Variants in BNIP5 observed in about 807,000 individuals in gnomAD.
BNIP5 encodes the protein protein BNIP5.
Under a neutral mutation model 67.3 loss-of-function variants are expected in BNIP5, and 61 were observed. The ratio of observed to expected loss-of-function variants is 0.91; its 90% CI spans 0.74 to 1.12. The LOEUF (loss-of-function observed/expected upper bound fraction) is 1.12, where lower values mean the gene tolerates loss of function less well. Ranked by LOEUF, BNIP5 falls within the 50% of genes most tolerant of loss-of-function variation. The pLI is 0.00. For synonymous variants in BNIP5, 317 were observed against 319.0 expected (o/e 0.99, Z 0.07); for missense variants, 826 against 816.3 (o/e 1.01, Z -0.14).
intron 1 of BNIP5, 144 bp from the exon 2 acceptor site, chr6:36,330,838 A>C: frequency 1.4e-5 from 15 of 1,095,750 alleles, no homozygotes; most frequent in Non-Finnish European, 1.9e-5. Context: ...ATCTCAGCTC[A>C]CTGCAACCTC....
intron 10 of BNIP5, 92 bp downstream of exon 10, chr6:36,321,063 C>G (rs1283350632): frequency 3.9e-6 from 3 of 771,906 alleles, no homozygotes; most frequent in East Asian, 5.4e-5. Context: ...GGGACATGCT[C>G]AAAGTTGCCC....
rs2127364139 is a variant in BNIP5 at position 36,322,450 on chromosome 6, A to C, written c.1472-8T>G. On this transcript the variant is annotated splice_polypyrimidine_tract_variant and splice_region_variant and intron_variant, in intron 8 of 11. Transcript: ENST00000437635. ...ACTCGAGATCTTCTGGATCTAGGGC[A>C]AAAAAAGAGTTGTTGAGTGTTTTGC... The C allele has an allele frequency of 6.2e-7, 1 of 1,610,388 alleles. No individual in the cohort carries two copies. Among genetic ancestry groups the C allele is most frequent in the East Asian group, 2.2e-5 (1 of 44,824 alleles).
intron 1 of BNIP5, among the ~76,000 whole-genome samples, chr6:36,332,426 T>G (rs1386344030): frequency 1.3e-5 from 2 of 152,202 alleles, no homozygotes; most frequent in Non-Finnish European, 2.9e-5. Flanking sequence ...TTTAGTTGTT[T>G]CCTGTCTGAG....
chr6:36,322,930 C>T (rs905036876), intron 8 of BNIP5, among the ~76,000 whole-genome samples: 2 of 152,260 alleles, frequency 1.3e-5, no homozygotes, highest in South Asian at 2.1e-4. Context: ...CAGGCCCAGG[C>T]CATCTCCTAC....
chr6:36,327,596 T>G (rs936169208), intron 3 of BNIP5, among the ~76,000 whole-genome samples: 1 of 151,956 alleles, frequency 6.6e-6, no homozygotes, highest in African/African-American at 2.4e-5. Context: ...CTAACTAAGG[T>G]GGAGGATGAA....
At chr6:36,327,859 T>A (rs1771800261) in intron 3 of BNIP5, among the ~76,000 whole-genome samples, 1 of 151,062 alleles carries the variant, frequency 6.6e-6, no homozygotes, top group Non-Finnish European at 1.5e-5. Context: ...TTTTTACTCC[T>A]AACTTCCCTG....
chr6:36,321,078 G>T, intron 10 of BNIP5, 77 bp downstream of exon 10: 1 of 912,500 alleles, frequency 1.1e-6, no homozygotes, highest in Non-Finnish European at 1.7e-6. Flanking sequence ...TTGCCCAGAG[G>T]TGCAGACTTG....
chr6:36,327,642 C>G lies in BNIP5; in HGVS notation c.728-548G>C, dbSNP rs554765544. 2.6e-5 allele frequency among the ~76,000 whole-genome samples: 4 copies of G among 152,312 alleles called. No individual in the cohort carries two copies. The East Asian group carries it at 7.7e-4, about 29-fold the overall frequency. On this transcript the variant is annotated intron_variant, in intron 3 of 11. Coordinates refer to ENST00000437635, the MANE Select transcript of BNIP5 (RefSeq NM_001010903.5). ...TAGGCATGACACAGAGACAGCCTGC[C>G]ACGCTGATGCCTCAGCCACACCCCC...
chr6:36,330,377 T>C lies in BNIP5; in HGVS notation c.314A>G (p.Asn105Ser), dbSNP rs768190675. 6.2e-7 allele frequency: 1 copy of C among 1,614,088 alleles called. No homozygotes were observed. The highest frequency in any genetic ancestry group is 8.5e-7 in the Non-Finnish European group (1 of 1,179,992). The change falls in exon 2 of 12, where the codon AAC becomes AGC. Residue 105 changes from asparagine to serine, a missense_variant. Transcript: ENST00000437635. ...TKKGWLKTMLNFFVRTGPEEP... is the reference protein window; with the variant it reads ...TKKGWLKTMLSFFVRTGPEEP... ...CTCAGGGCCCGTCCTCACGAAGAAGTTCAGCATGGTCTTCAGCCACCCCTT... is the reference window on the plus strand; with the variant it reads ...CTCAGGGCCCGTCCTCACGAAGAAGCTCAGCATGGTCTTCAGCCACCCCTT...
Position 36,326,570 on chromosome 6 carries a change from T to A in BNIP5, c.976A>T (p.Lys326Ter). The change falls in exon 5 of 12, where the codon AAG becomes TAG. Residue 326 changes from lysine to a stop codon, truncating the protein, a stop_gained. Coordinates refer to ENST00000437635, the MANE Select transcript of BNIP5 (RefSeq NM_001010903.5). LOFTEE classifies it high-confidence loss of function. ...VSSPEAWPPK[K>*]SSFLPLCVSG... Reference sequence around the variant, plus strand: ...ACACACAGGGGCAGAAAGCTGGACTTCTTGGGTGGCCAGGCCTCTGGACTG... The same window carrying A: ...ACACACAGGGGCAGAAAGCTGGACTACTTGGGTGGCCAGGCCTCTGGACTG... 6.2e-7 allele frequency: 1 copy of A among 1,614,240 alleles called. No homozygotes were observed. Among genetic ancestry groups the A allele is most frequent in the Non-Finnish European group, 8.5e-7 (1 of 1,180,046 alleles).
At chr6:36,320,468 C>A (rs55688035) in intron 10 of BNIP5, among the ~76,000 whole-genome samples, 3 of 152,104 alleles carry the variant, frequency 2.0e-5, no homozygotes, top group Non-Finnish European at 4.4e-5. Context: ...TTCTGCCCCC[C>A]ACATGAGTTG....
chr6:36,330,786 C>T lies in BNIP5; in HGVS notation c.-4-92G>A, dbSNP rs938171012. ...TTTTGTTTGTTTTTGTTTTTTATGA[C>T]GGAGCCTCGGTCTATTGCCCAGGCT... On this transcript the variant is annotated intron_variant, in intron 1 of 11. Transcript: ENST00000437635. 1.8e-5 allele frequency: 26 copies of T among 1,450,234 alleles called. No homozygotes were observed. In the African/African-American group the frequency reaches 2.1e-4, roughly 12 times the overall value. The allele number at this position is 1,450,234 out of a possible 1,614,324, so 89.8% of individuals were successfully genotyped here.
intron 7 of BNIP5, among the ~76,000 whole-genome samples, 174 bp downstream of exon 7, chr6:36,323,955 G>C (rs550675869): frequency 6.7e-6 from 1 of 150,182 alleles, no homozygotes; most frequent in African/African-American, 2.5e-5. Context: ...GGCCATGATC[G>C]AGCCACTGTG....
chr6:36,320,205 G>A lies in BNIP5; in HGVS notation c.1669-595C>T, dbSNP rs192087044. 1.7e-4 allele frequency among the ~76,000 whole-genome samples: 26 copies of A among 152,288 alleles called. No individual in the cohort carries two copies. The East Asian group carries it at 4.4e-3, about 26-fold the overall frequency. ...CCCCAGAGGCAGACCCAGACACAAGGACTTGGGTACAGGCATTTTATTCAT... is the reference window on the plus strand; with the variant it reads ...CCCCAGAGGCAGACCCAGACACAAGAACTTGGGTACAGGCATTTTATTCAT... On this transcript the variant is annotated intron_variant, in intron 10 of 11. Coordinates refer to ENST00000437635, the MANE Select transcript of BNIP5 (RefSeq NM_001010903.5).
intron 6 of BNIP5, 74 bp downstream of exon 6, chr6:36,325,207 AGT>A (rs1771733220): frequency 6.7e-7 from 1 of 1,496,288 alleles, no homozygotes; most frequent in Admixed American, 1.7e-5. Flanking sequence ...TCTCTGGCTC[AGT>A]GTCTCTTTGC....
At chr6:36,321,012 CT>C (rs1201952115) in intron 10 of BNIP5, 142 bp downstream of exon 10, 3 of 612,610 alleles carry the variant, frequency 4.9e-6, no homozygotes, top group Non-Finnish European at 8.7e-6. Context: ...GTAATTCTCT[CT>C]CATTTTGGAA....
chr6:36,321,008 C>T (rs1771624131), intron 10 of BNIP5, 147 bp downstream of exon 10: 1 of 609,420 alleles, frequency 1.6e-6, no homozygotes, highest in South Asian at 2.0e-5. Context: ...GTAGGTAATT[C>T]TCTCTCATTT....
rs371438553 is a variant in BNIP5 at position 36,330,074 on chromosome 6, C to A, written c.610+7G>T. The stretch of plus-strand genomic sequence containing the variant: ...GGTTGCCATAGGAACAGGCACGGTC[C>A]GCTCACCCCTGCGAGCTGGGCCCAG... On this transcript the variant is annotated splice_region_variant and intron_variant, in intron 2 of 11. Coordinates refer to ENST00000437635, the MANE Select transcript of BNIP5 (RefSeq NM_001010903.5). 2 of 1,591,592 alleles carry A rather than the reference C, an allele frequency of 1.3e-6. No homozygotes were observed. The highest frequency in any genetic ancestry group is 1.7e-6 in the Non-Finnish European group (2 of 1,174,026).
intron 11 of BNIP5, among the ~76,000 whole-genome samples, chr6:36,317,740 C>A (rs76193678): frequency 0.013 from 1,919 of 152,264 alleles, 23 homozygotes; most frequent in Non-Finnish European, 0.023. Context: ...AAGGCAGAAC[C>A]TTCCACAGAG....
Sources: allele counts gnomAD v4.1 joint callset (sites outside exome capture counted in the v4.1 genomes callset), GRCh38; gene constraint gnomAD v4.1.1; transcripts MANE v1.5; gene names NCBI Gene and HGNC (gene_info 2026-07-23, HGNC 2026-07-21).